The following UNC5D variants were observed in gnomAD, a reference collection of about 807,000 sequenced individuals.
UNC5D encodes the protein netrin receptor UNC5D.
A neutral mutation model predicts 105.4 loss-of-function variants in UNC5D; 39 were observed. That is an observed-to-expected ratio of 0.37 (90% CI 0.29 to 0.48). The LOEUF (loss-of-function observed/expected upper bound fraction) is 0.48. Ranked by LOEUF, UNC5D falls within the 20% of genes least tolerant of loss-of-function variation. The pLI is 0.98. For missense variants in UNC5D, 991 were observed against 1,202.4 expected (o/e 0.82, Z 2.60); for synonymous variants, 452 against 450.4 (o/e 1.00, Z -0.04).
At chr8:35,420,825 A>G (rs943531139) in intron 1 of UNC5D, among the ~76,000 whole-genome samples, 3 of 152,092 alleles carry the variant, frequency 2.0e-5, no homozygotes, top group Non-Finnish European at 2.9e-5. Context: ...TTAGTACAGA[A>G]AGGGTAGGCC....
At chr8:35,349,247 T>TA (rs749938177) in intron 1 of UNC5D, among the ~76,000 whole-genome samples, 4 of 151,974 alleles carry the variant, frequency 2.6e-5, no homozygotes, top group Non-Finnish European at 4.4e-5. Context: ...TTTTTGAAGT[T>TA]AAGTGACAAT....
intron 1 of UNC5D, among the ~76,000 whole-genome samples, chr8:35,492,882 A>C (rs961917025): frequency 2.8e-4 from 42 of 152,308 alleles, no homozygotes; most frequent in African/African-American, 9.9e-4. Flanking sequence ...TATGCAAGCA[A>C]GGTCTCCTAG....
At chr8:35,372,369 C>T (rs769052227) in intron 1 of UNC5D, among the ~76,000 whole-genome samples, 9 of 152,078 alleles carry the variant, frequency 5.9e-5, no homozygotes, top group Non-Finnish European at 8.8e-5. Context: ...AGCAATCCAC[C>T]CACCTTGGCC....
chr8:35,433,838 A>G (rs1274419439), intron 1 of UNC5D, among the ~76,000 whole-genome samples: 1 of 148,232 alleles, frequency 6.7e-6, no homozygotes, highest in Non-Finnish European at 1.5e-5. Flanking sequence ...GCAGAGCAAG[A>G]CCCTGTCTCA....
At chr8:35,314,838 T>C (rs1246751137) in intron 1 of UNC5D, among the ~76,000 whole-genome samples, 1 of 152,068 alleles carries the variant, frequency 6.6e-6, no homozygotes, top group Non-Finnish European at 1.5e-5. Context: ...ATAATAACAG[T>C]ACAACATGGA....
intron 4 of UNC5D, among the ~76,000 whole-genome samples, chr8:35,680,199 G>C (rs1365545664): frequency 6.6e-6 from 1 of 152,058 alleles, no homozygotes; most frequent in Non-Finnish European, 1.5e-5. Context: ...CCATAGCATG[G>C]TATCAAACAG....
chr8:35,313,865 T>C (rs540030517), intron 1 of UNC5D, among the ~76,000 whole-genome samples: 1 of 152,318 alleles, frequency 6.6e-6, no homozygotes, highest in South Asian at 2.1e-4. Context: ...GTGTGACACA[T>C]GGTAAGTGCT....
At chr8:35,776,648 T>C (rs1213452158) in intron 16 of UNC5D, among the ~76,000 whole-genome samples, 1 of 152,210 alleles carries the variant, frequency 6.6e-6, no homozygotes, top group African/African-American at 2.4e-5. Flanking sequence ...TTCTTTAAGA[T>C]CCCATCTCCA....
intron 1 of UNC5D, among the ~76,000 whole-genome samples, chr8:35,304,736 G>A (rs1371462585): frequency 2.0e-5 from 3 of 152,098 alleles, no homozygotes; most frequent in Non-Finnish European, 2.9e-5. Flanking sequence ...GATTATATGG[G>A]ATAAAATAAT....
chr8:35,312,156 T>A (rs1808938045), intron 1 of UNC5D, among the ~76,000 whole-genome samples: 1 of 152,176 alleles, frequency 6.6e-6, no homozygotes, highest in Non-Finnish European at 1.5e-5. Context: ...GCACCATAAA[T>A]CATTGTGATG....
At chr8:35,602,765 A>G (rs372302378) in intron 4 of UNC5D, among the ~76,000 whole-genome samples, 1 of 152,014 alleles carries the variant, frequency 6.6e-6, no homozygotes, top group Non-Finnish European at 1.5e-5. Context: ...GTACATGTGC[A>G]CAATGTGCAG....
intron 4 of UNC5D, among the ~76,000 whole-genome samples, chr8:35,623,346 CG>C (rs1821479226): frequency 6.6e-6 from 1 of 152,068 alleles, no homozygotes; most frequent in South Asian, 2.1e-4. Context: ...GGCTCAGGAA[CG>C]GAAAATGTGC....
At chr8:35,255,751 G>A (rs1268529587) in intron 1 of UNC5D, 1 of 152,120 alleles carries the variant, frequency 6.6e-6, no homozygotes, top group Non-Finnish European at 1.5e-5. Flanking sequence ...ATGACATCAT[G>A]ACATATATTC....
chr8:35,352,116 T>A (rs1315660422), intron 1 of UNC5D, among the ~76,000 whole-genome samples: 3 of 152,112 alleles, frequency 2.0e-5, no homozygotes, highest in African/African-American at 7.2e-5. Flanking sequence ...CAACCTGATA[T>A]TCCATTAAGA....
intron 4 of UNC5D, among the ~76,000 whole-genome samples, chr8:35,651,858 G>A (rs1265821214): frequency 1.3e-5 from 2 of 152,126 alleles, no homozygotes; most frequent in Non-Finnish European, 2.9e-5. Context: ...GCTGTTTACT[G>A]TTTTGCTGTG....
intron 4 of UNC5D, among the ~76,000 whole-genome samples, chr8:35,617,872 T>G (rs1821125958): frequency 6.6e-6 from 1 of 152,248 alleles, no homozygotes; most frequent in South Asian, 2.1e-4. Context: ...ACTGTTCTTT[T>G]AATTGTTGAT....
At chr8:35,751,565 G>C (rs1830283769) in intron 13 of UNC5D, among the ~76,000 whole-genome samples, 1 of 152,186 alleles carries the variant, frequency 6.6e-6, no homozygotes, top group African/African-American at 2.4e-5. Context: ...GGACAGCTTG[G>C]AGGTTAGGAG....
intron 1 of UNC5D, among the ~76,000 whole-genome samples, chr8:35,540,121 A>C (rs567122207): frequency 6.6e-6 from 1 of 152,182 alleles, no homozygotes; most frequent in Non-Finnish European, 1.5e-5. Flanking sequence ...ACCTTTCCCA[A>C]ATCCCACTAG....
At chr8:35,355,524 A>T (rs576926827) in intron 1 of UNC5D, among the ~76,000 whole-genome samples, 1 of 152,266 alleles carries the variant, frequency 6.6e-6, no homozygotes, top group South Asian at 2.1e-4. Flanking sequence ...TAGCTTACTT[A>T]GTCTTCCATC....
Sources: allele counts gnomAD v4.1 joint callset (sites outside exome capture counted in the v4.1 genomes callset), GRCh38; gene constraint gnomAD v4.1.1; transcripts MANE v1.5; gene names NCBI Gene and HGNC (gene_info 2026-07-23, HGNC 2026-07-21).